The following ATP2C2 variants were observed in gnomAD, a reference collection of about 807,000 sequenced individuals.
The protein encoded by ATP2C2 is calcium-transporting ATPase type 2C member 2.
Under a neutral mutation model 110.8 loss-of-function variants are expected in ATP2C2, and 171 were observed. That is an observed-to-expected ratio of 1.54 (90% confidence interval 1.36 to 1.75). The LOEUF (loss-of-function observed/expected upper bound fraction) is 1.75. Ranked by LOEUF, ATP2C2 falls within the 40% of genes most tolerant of loss-of-function variation. The probability of loss-of-function intolerance (pLI) is 0.00; values close to 1 mark genes in which losing one functional copy is unlikely to be tolerated. For synonymous variants in ATP2C2, 804 were observed against 508.4 expected (o/e 1.58, Z -7.82); for missense variants, 1,963 against 1,235.0 (o/e 1.59, Z -8.84).
intron 16 of ATP2C2, among the ~76,000 whole-genome samples, chr16:84,446,943 A>G (rs1909804800): frequency 6.6e-6 from 1 of 152,108 alleles, no homozygotes; most frequent in Non-Finnish European, 1.5e-5. Context: ...TTCAGTACGG[A>G]AGGCGTGTCT....
rs571503589 is a variant in ATP2C2, at chr16:84,444,395, C to T, written c.1401+1796C>T. ...GGCTGAGGCAGGAGAATTGCTTGAACCCAGGAGGCGGAGGTTACAGTGAGC... is the reference window on the plus strand; with the variant it reads ...GGCTGAGGCAGGAGAATTGCTTGAATCCAGGAGGCGGAGGTTACAGTGAGC... On this transcript the variant is annotated intron_variant, in intron 15 of 26. Coordinates refer to ENST00000262429, the MANE Select transcript of ATP2C2 (RefSeq NM_014861.4). Among the ~76,000 whole-genome samples the T allele has an allele frequency of 6.2e-4, 94 of 151,960 alleles. No individual in the cohort carries two copies. The Middle Eastern group carries it at 0.01, about 17-fold the overall frequency.
chr16:84,380,290 A>C (rs1910499055), intron 1 of ATP2C2, among the ~76,000 whole-genome samples: 1 of 152,156 alleles, frequency 6.6e-6, no homozygotes, highest in Non-Finnish European at 1.5e-5. Flanking sequence ...CTTATTATTG[A>C]ATTCTCCTAA....
chr16:84,427,790 G>T (rs941332830), intron 11 of ATP2C2, among the ~76,000 whole-genome samples: 1 of 152,140 alleles, frequency 6.6e-6, no homozygotes, highest in Non-Finnish European at 1.5e-5. Context: ...AGGGCCTGGG[G>T]TTGGGGAGTG....
intron 3 of ATP2C2, chr16:84,406,634 C>T: frequency 5.1e-6 from 5 of 985,534 alleles, no homozygotes; most frequent in Non-Finnish European, 6.0e-6. Flanking sequence ...GTTTTGGCAG[C>T]AAAATAGGCT....
chr16:84,377,762 C>T (rs1457513121), intron 1 of ATP2C2, among the ~76,000 whole-genome samples: 1 of 151,986 alleles, frequency 6.6e-6, no homozygotes, highest in Non-Finnish European at 1.5e-5. Flanking sequence ...AGTCCAACAC[C>T]ATGTTCTGTG....
intron 17 of ATP2C2, among the ~76,000 whole-genome samples, chr16:84,449,609 C>T (rs1334383349): frequency 6.6e-6 from 1 of 152,146 alleles, no homozygotes; most frequent in Non-Finnish European, 1.5e-5. Context: ...GCAGAGAAGC[C>T]AGGCCCAGCT....
chr16:84,408,668 C>T (rs116472287), intron 4 of ATP2C2, among the ~76,000 whole-genome samples, 174 bp downstream of exon 4: 1 of 151,996 alleles, frequency 6.6e-6, no homozygotes, highest in East Asian at 1.9e-4. Flanking sequence ...TATCAAGGTG[C>T]CCTGGTTTAT....
chr16:84,422,336 C>G (rs967516012), intron 7 of ATP2C2, 54 bp from the exon 8 acceptor site: 29 of 1,575,604 alleles, frequency 1.8e-5, no homozygotes, highest in Admixed American at 1.8e-5. Context: ...GCTTTTAACA[C>G]CAATTCTCGG....
At chr16:84,432,226 A>G (rs988804495) in intron 11 of ATP2C2, among the ~76,000 whole-genome samples, 3 of 152,054 alleles carry the variant, frequency 2.0e-5, no homozygotes, top group Admixed American at 1.3e-4. Flanking sequence ...AGCAGTGTAC[A>G]CTGTACCCAA....
At chr16:84,372,901 A>G (rs1597723112) in intron 1 of ATP2C2, among the ~76,000 whole-genome samples, 1 of 151,826 alleles carries the variant, frequency 6.6e-6, no homozygotes, top group African/African-American at 2.4e-5. Context: ...CGTGCAGATC[A>G]CTTGAGTTCA....
At chr16:84,421,884 A>G (rs1300728322) in intron 7 of ATP2C2, among the ~76,000 whole-genome samples, 1 of 152,082 alleles carries the variant, frequency 6.6e-6, no homozygotes, top group African/African-American at 2.4e-5. Context: ...GTGTGTAGTC[A>G]GTGTTCTGCA....
At chr16:84,387,694 T>C (rs1242129102) in intron 1 of ATP2C2, among the ~76,000 whole-genome samples, 1 of 152,190 alleles carries the variant, frequency 6.6e-6, no homozygotes, top group Non-Finnish European at 1.5e-5. Flanking sequence ...TCTCCAAGGT[T>C]GCGGCCCCTC....
Position 84,393,225 on chromosome 16 carries a change from T to C in ATP2C2, c.100-5274T>C, listed in dbSNP as rs528571953. Among the ~76,000 whole-genome samples the C allele has an allele frequency of 1.7e-3, 263 of 152,312 alleles. 1 individual carries two copies. The highest frequency in any genetic ancestry group is 0.01 in the Middle Eastern group (3 of 294). ...GATACATTAAGTGCCATTTAGATTA[T>C]GGAGCTGTGTGATTGGAATCAACCC... On this transcript the variant is annotated intron_variant, in intron 1 of 26. Transcript: ENST00000262429.
In ATP2C2 at chr16:84,433,743, T is replaced by C. The variant is rs569498139; in HGVS notation, c.987-5423T>C. Among the ~76,000 whole-genome samples the C allele has an allele frequency of 2.6e-5, 4 of 152,230 alleles. 1 individual carries two copies. In the South Asian group the frequency reaches 8.3e-4, roughly 32 times the overall value. On this transcript the variant is annotated intron_variant, in intron 11 of 26. Coordinates refer to ENST00000262429, the MANE Select transcript of ATP2C2 (RefSeq NM_014861.4). The stretch of plus-strand genomic sequence containing the variant: ...AATGGTGCATCCAATCCCTGTCTTA[T>C]AAGCCATGAGAAGCTTCATGAGGCA...
intron 21 of ATP2C2, 90 bp downstream of exon 21, chr16:84,455,074 G>C (rs566232739): frequency 1.3e-6 from 2 of 1,521,772 alleles, no homozygotes; most frequent in Non-Finnish European, 1.8e-6. Context: ...AGATAGAGGG[G>C]GGGGTCTCGC....
intron 4 of ATP2C2, 117 bp downstream of exon 4, chr16:84,408,611 T>C (rs1905997566): frequency 1.3e-6 from 1 of 774,142 alleles, no homozygotes. Flanking sequence ...AAAAGGAGCA[T>C]ACAGAAGAAA....
intron 16 of ATP2C2, among the ~76,000 whole-genome samples, chr16:84,448,255 G>T (rs1014185215): frequency 6.7e-6 from 1 of 149,290 alleles, no homozygotes; most frequent in South Asian, 2.2e-4. Context: ...CATACAAGAC[G>T]CTCTGAGTGA....
At chr16:84,390,183 G>A (rs1904566482) in intron 1 of ATP2C2, among the ~76,000 whole-genome samples, 1 of 152,248 alleles carries the variant, frequency 6.6e-6, no homozygotes, top group African/African-American at 2.4e-5. Context: ...GATCATTAGG[G>A]TCTAACGCAG....
intron 11 of ATP2C2, among the ~76,000 whole-genome samples, chr16:84,428,158 G>A (rs557014469): frequency 1.3e-5 from 2 of 152,286 alleles, no homozygotes; most frequent in South Asian, 4.1e-4. Flanking sequence ...GGTTTGTCCT[G>A]CTGGCCAGTG....
Sources: allele counts gnomAD v4.1 joint callset (sites outside exome capture counted in the v4.1 genomes callset), GRCh38; gene constraint gnomAD v4.1.1; transcripts MANE v1.5; gene names NCBI Gene and HGNC (gene_info 2026-07-23, HGNC 2026-07-21).